The following ASCC3 variants were observed in gnomAD, a reference collection of about 807,000 sequenced individuals.
ASCC3 encodes the protein activating signal cointegrator 1 complex subunit 3.
Under a neutral mutation model 256.3 loss-of-function variants are expected in ASCC3, and 158 were observed. The ratio of observed to expected loss-of-function variants is 0.62; its 90% confidence interval spans 0.54 to 0.70. ASCC3 has a LOEUF of 0.70. ASCC3 is among the 30% of genes least tolerant of loss of function. The probability of loss-of-function intolerance (pLI) is 0.00; values close to 1 mark genes in which losing one functional copy is unlikely to be tolerated. For synonymous variants in ASCC3, 948 were observed against 883.4 expected, an observed-to-expected ratio of 1.07 and a Z score of -1.30; for missense variants, 2,259 against 2,626.0, an observed-to-expected ratio of 0.86 and a Z score of 3.05.
intron 4 of ASCC3, among the ~76,000 whole-genome samples, chr6:100,826,012 C>T (rs149192759): frequency 2.0e-5 from 3 of 152,088 alleles, no homozygotes; most frequent in South Asian, 2.1e-4. Context: ...CTGAACACAG[C>T]ACAAAATGGT....
At chr6:100,746,484 T>A (rs905256601) in intron 10 of ASCC3, among the ~76,000 whole-genome samples, 5 of 152,166 alleles carry the variant, frequency 3.3e-5, no homozygotes, top group African/African-American at 1.2e-4. Context: ...GTGGGTAATT[T>A]TTTCCTACTT....
chr6:100,774,436 G>A (rs1366071419), intron 8 of ASCC3, among the ~76,000 whole-genome samples: 1 of 152,028 alleles, frequency 6.6e-6, no homozygotes, highest in Non-Finnish European at 1.5e-5. Flanking sequence ...CACTATCTTG[G>A]CTCACGGCAA....
Position 100,725,635 on chromosome 6 carries a change from G to A in ASCC3, c.1806C>T (p.Ser602=), listed in dbSNP as rs1562252845. The change falls in exon 11 of 42, where the codon TCC becomes TCT. Residue 602 remains serine, a synonymous_variant. Coordinates refer to ENST00000369162, the MANE Select transcript of ASCC3 (RefSeq NM_006828.4). ...TRKSVGDVAL[S]QIVRLLILDE... ...CAAGAATAAGGAGCCTTACAATCTG[G>A]GAAAGAGCTACATCCCCAACACTCT... 6.2e-7 allele frequency: 1 copy of A among 1,612,580 alleles called. No homozygotes were observed. The highest frequency in any genetic ancestry group is 8.5e-7 in the Non-Finnish European group (1 of 1,179,112).
intron 10 of ASCC3, among the ~76,000 whole-genome samples, chr6:100,762,247 A>G (rs888166392): frequency 1.6e-4 from 23 of 148,360 alleles, no homozygotes; most frequent in Non-Finnish European, 3.4e-4. Flanking sequence ...GCCTCCCCCT[A>G]CGAGGATGAG....
intron 32 of ASCC3, 48 bp from the exon 33 acceptor site, chr6:100,605,748 CAAGGTATATT>C: frequency 6.3e-7 from 1 of 1,582,064 alleles, no homozygotes; most frequent in Non-Finnish European, 8.7e-7. Context: ...GCATATAGCA[CAAGGTATATT>C]TACTGATTAT....
In ASCC3 at chr6:100,682,223, T is replaced by C. The variant is rs181194139; in HGVS notation, c.2152-2471A>G. Among the ~76,000 whole-genome samples, 17 of 151,586 alleles carry C rather than the reference T, an allele frequency of 1.1e-4. No homozygotes were observed. The East Asian group carries it at 2.9e-3, about 26-fold the overall frequency. ...AAAATGAAGTTTTTTGTAATTTATTTATTCATTCATTCATTCATATGTTTC... is the reference window on the plus strand; with the variant it reads ...AAAATGAAGTTTTTTGTAATTTATTCATTCATTCATTCATTCATATGTTTC... On this transcript the variant is annotated intron_variant, in intron 13 of 41. Transcript: ENST00000369162.
At chr6:100,542,457 C>T (rs1184427534) in intron 36 of ASCC3, among the ~76,000 whole-genome samples, 4 of 152,000 alleles carry the variant, frequency 2.6e-5, no homozygotes, top group Admixed American at 6.6e-5. Context: ...CTGAGGCCAG[C>T]GGATCACGAG....
chr6:100,583,330 G>A (rs377402076), intron 36 of ASCC3, among the ~76,000 whole-genome samples: 19 of 152,016 alleles, frequency 1.2e-4, no homozygotes, highest in East Asian at 1.2e-3. Context: ...TGTATGTGTC[G>A]AGGAATTTAT....
At chr6:100,556,390 G>T (rs966658487) in intron 36 of ASCC3, among the ~76,000 whole-genome samples, 2 of 152,106 alleles carry the variant, frequency 1.3e-5, no homozygotes, top group African/African-American at 2.4e-5. Flanking sequence ...AATCACTGAG[G>T]CTAAATTAAG....
At chr6:100,525,985 G>A (rs768238691) in intron 37 of ASCC3, among the ~76,000 whole-genome samples, 1 of 152,094 alleles carries the variant, frequency 6.6e-6, no homozygotes, top group Non-Finnish European at 1.5e-5. Flanking sequence ...CTCCTTTAAA[G>A]GTTCAGGTCA....
Position 100,805,755 on chromosome 6 carries a change from C to G in ASCC3, c.922+5G>C, listed in dbSNP as rs374960198. 11 of 1,610,046 alleles carry G rather than the reference C, an allele frequency of 6.8e-6. No individual in the cohort carries two copies. Among genetic ancestry groups the G allele is most frequent in the Non-Finnish European group, 7.6e-6 (9 of 1,178,154 alleles). On this transcript the variant is annotated splice_donor_5th_base_variant and intron_variant, in intron 5 of 41. Transcript: ENST00000369162. The stretch of plus-strand genomic sequence containing the variant: ...AATTACAATGACCACTGCATACTTT[C>G]TTACCTTGAAGAGCCTGAAACCTAT...
intron 13 of ASCC3, among the ~76,000 whole-genome samples, chr6:100,705,738 T>G (rs1778549859): frequency 6.6e-6 from 1 of 151,958 alleles, no homozygotes; most frequent in Admixed American, 6.6e-5. Flanking sequence ...GACTGCATAT[T>G]TCTTACTGCT....
chr6:100,618,678 A>C (rs963389669), intron 30 of ASCC3, among the ~76,000 whole-genome samples: 2 of 152,188 alleles, frequency 1.3e-5, no homozygotes, highest in Non-Finnish European at 2.9e-5. Context: ...GCCCATAATA[A>C]AGTATCTTAC....
intron 14 of ASCC3, among the ~76,000 whole-genome samples, chr6:100,665,581 C>CA (rs34217961): frequency 0.036 from 5,289 of 146,280 alleles, 109 homozygotes; most frequent in Middle Eastern, 0.094. Flanking sequence ...AACAAACAAA[C>CA]AAAAAAAAAA....
intron 36 of ASCC3, among the ~76,000 whole-genome samples, chr6:100,582,290 A>G (rs1381802183): frequency 9.9e-5 from 15 of 151,906 alleles, no homozygotes; most frequent in Non-Finnish European, 1.8e-4. Context: ...TCTCCTTGAA[A>G]AGGTCCTTCA....
chr6:100,772,145 T>C (rs537009449), intron 8 of ASCC3, among the ~76,000 whole-genome samples: 6 of 152,136 alleles, frequency 3.9e-5, no homozygotes, highest in Admixed American at 1.3e-4. Flanking sequence ...CCTCCCAAAG[T>C]GCTGGGATTA....
intron 36 of ASCC3, among the ~76,000 whole-genome samples, chr6:100,546,367 G>C (rs573761291): frequency 1.3e-5 from 2 of 152,124 alleles, no homozygotes; most frequent in African/African-American, 2.4e-5. Context: ...AAATTGACAA[G>C]TTGATTCTAA....
chr6:100,664,527 T>C (rs1464562786), intron 14 of ASCC3, among the ~76,000 whole-genome samples: 5 of 152,006 alleles, frequency 3.3e-5, no homozygotes, highest in Non-Finnish European at 5.9e-5. Flanking sequence ...ACAAAATACA[T>C]ATATAAACAT....
chr6:100,599,160 T>G (rs1284601911), intron 34 of ASCC3, among the ~76,000 whole-genome samples: 1 of 152,154 alleles, frequency 6.6e-6, no homozygotes, highest in Non-Finnish European at 1.5e-5. Context: ...TAGCCACATA[T>G]TTTAGGGTCT....
Sources: gnomAD v4.1 joint callset for allele counts (sites outside exome capture counted in the v4.1 genomes callset) on GRCh38, gnomAD v4.1.1 for gene constraint, MANE v1.5 for transcripts, NCBI Gene and HGNC (gene_info 2026-07-23, HGNC 2026-07-21) for gene names.